The following RAPH1 variants were observed in gnomAD, a reference collection of about 807,000 sequenced individuals.
RAPH1 encodes ras-associated and pleckstrin homology domains-containing protein 1.
In RAPH1, 18 loss-of-function variants were observed where a neutral mutation model predicts 88.1. The observed-to-expected ratio is 0.20, with a 90% confidence interval of 0.14 to 0.30. RAPH1 has a LOEUF of 0.30. Among genes scored for constraint, RAPH1 ranks in the 10% least tolerant of loss-of-function variants. The probability of loss-of-function intolerance (pLI) is 1.00; values close to 1 mark genes in which losing one functional copy is unlikely to be tolerated. For missense variants in RAPH1, 1,448 were observed against 1,543.2 expected (o/e 0.94, Z 1.03); for synonymous variants, 587 against 559.0 (o/e 1.05, Z -0.71).
In RAPH1 at chr2:203,441,075, G is replaced by C; in HGVS notation, c.2115C>G (p.Pro705=). The C allele has an allele frequency of 6.3e-7, 1 of 1,578,730 alleles. No individual in the cohort carries two copies. Among genetic ancestry groups the C allele is most frequent in the Non-Finnish European group, 8.7e-7 (1 of 1,154,214 alleles). Residue 705 remains proline (P), a synonymous_variant, in exon 14 of 14, where the codon CCC becomes CCG. Coordinates refer to ENST00000319170, the MANE Select transcript of RAPH1 (RefSeq NM_213589.3). ...GAGGGGGTGGTGGAACAACTCCATT[G>C]GGGGGTACCAGGATCTGAGGCTTCA... ...QSVKPQILVP[P]NGVVPPPPPP...
intron 4 of RAPH1, among the ~76,000 whole-genome samples, chr2:203,481,208 T>C (rs1350296483): frequency 6.6e-6 from 1 of 152,206 alleles, no homozygotes; most frequent in Non-Finnish European, 1.5e-5. Context: ...CTGGCCAGTC[T>C]ACTTGTCTTG....
intron 1 of RAPH1, among the ~76,000 whole-genome samples, chr2:203,499,101 G>C (rs544088376): frequency 6.6e-6 from 1 of 152,100 alleles, no homozygotes; most frequent in Non-Finnish European, 1.5e-5. Context: ...CATTTCTCAG[G>C]AAGTATCTTC....
In RAPH1 at chr2:203,439,075, T is replaced by A. The variant is rs1472064108; in HGVS notation, c.*362A>T. The A allele has an allele frequency of 5.1e-6, 1 of 197,344 alleles. No individual in the cohort carries two copies. The highest frequency in any genetic ancestry group is 1.1e-5 in the Non-Finnish European group (1 of 94,440). 12.2% of individuals were successfully genotyped at this position (197,344 alleles called of 1,614,324 possible). Reference sequence around the variant, plus strand: ...TTATAAATACCTTCTAAATAAGTGATTAGAAGTTTTTGGTCCAATCCACAT... The same window carrying A: ...TTATAAATACCTTCTAAATAAGTGAATAGAAGTTTTTGGTCCAATCCACAT... On this transcript the variant is annotated 3_prime_UTR_variant, in exon 14 of 14. Transcript: ENST00000319170.
Position 203,491,272 on chromosome 2 carries a change from A to G in RAPH1, c.168T>C (p.Leu56=), listed in dbSNP as rs773365965. The change falls in exon 3 of 14, where the codon CTT becomes CTC. Residue 56 remains leucine (L), a synonymous_variant. Transcript: ENST00000319170. ...AGTTGGCCATGTTTGTTTCCTGGCGAAGAGGAGATCTTTTTACTGGTTCCA... is the reference window on the plus strand; with the variant it reads ...AGTTGGCCATGTTTGTTTCCTGGCGGAGAGGAGATCTTTTTACTGGTTCCA... ...KPMEPVKRSP[L]RQETNMANFS... 6.2e-6 allele frequency: 10 copies of G among 1,613,572 alleles called. No individual in the cohort carries two copies. Among genetic ancestry groups the G allele is most frequent in the African/African-American group, 4.0e-5 (3 of 74,884 alleles).
chr2:203,441,934 T>G, intron 13 of RAPH1: 1 of 1,372,176 alleles, frequency 7.3e-7, no homozygotes, highest in East Asian at 2.9e-5. Context: ...CACAGGAGAG[T>G]ATGAGAATGT....
intron 4 of RAPH1, among the ~76,000 whole-genome samples, chr2:203,466,814 G>C (rs1299966288): frequency 6.6e-6 from 1 of 152,154 alleles, no homozygotes; most frequent in Non-Finnish European, 1.5e-5. Context: ...TTTACGTAAA[G>C]ACAAAAACTA....
At chr2:203,517,771 G>A (rs1689682597) in intron 1 of RAPH1, among the ~76,000 whole-genome samples, 1 of 151,708 alleles carries the variant, frequency 6.6e-6, no homozygotes, top group Non-Finnish European at 1.5e-5. Flanking sequence ...AATAACACCT[G>A]GGTCAAAGAA....
rs1156271253 is a variant in RAPH1, at chr2:203,461,844, T to C, written c.810+4A>G. 1 of 1,600,414 alleles carries C rather than the reference T, an allele frequency of 6.2e-7. No homozygotes were observed. Among genetic ancestry groups the C allele is most frequent in the Non-Finnish European group, 8.5e-7 (1 of 1,173,988 alleles). On this transcript the variant is annotated splice_donor_region_variant and intron_variant, in intron 5 of 13. Transcript: ENST00000319170. The stretch of plus-strand genomic sequence containing the variant: ...CCCAAACCAGGAAGAGGCCCACATA[T>C]CACCTTTTTCACTTGTGCCTCTTTA...
At chr2:203,531,875 A>C (rs1258611997) in intron 1 of RAPH1, among the ~76,000 whole-genome samples, 1 of 152,206 alleles carries the variant, frequency 6.6e-6, no homozygotes, top group Admixed American at 6.5e-5. Context: ...CAATCTAGCA[A>C]TCCCATTTCT....
At chr2:203,534,425 A>T (rs533063282) in intron 1 of RAPH1, among the ~76,000 whole-genome samples, 1 of 149,974 alleles carries the variant, frequency 6.7e-6, no homozygotes, top group South Asian at 2.1e-4. Context: ...ACCCTAAGTC[A>T]CTGCCTTAAG....
chr2:203,505,449 CG>C (rs879463339), intron 1 of RAPH1, among the ~76,000 whole-genome samples: 3 of 151,906 alleles, frequency 2.0e-5, no homozygotes, highest in Non-Finnish European at 4.4e-5. Flanking sequence ...TTACCCCCCC[CG>C]GGTCCCTCCC....
rs1261459806 is a variant in RAPH1, at chr2:203,436,095, G to A, written c.*3342C>T. 6.6e-6 allele frequency: 1 copy of A among 152,122 alleles called. No homozygotes were observed. Among genetic ancestry groups the A allele is most frequent in the Non-Finnish European group, 1.5e-5 (1 of 68,020 alleles). 9.4% of individuals were successfully genotyped at this position (152,122 alleles called of 1,614,324 possible). On this transcript the variant is annotated 3_prime_UTR_variant, in exon 14 of 14. Transcript: ENST00000319170. Reference sequence around the variant, plus strand: ...TTTAAATTTTCTTGATAAACTCAGCGTTGTTTGTTTTCAGTGACAAGAAAA... The same window carrying A: ...TTTAAATTTTCTTGATAAACTCAGCATTGTTTGTTTTCAGTGACAAGAAAA...
intron 1 of RAPH1, among the ~76,000 whole-genome samples, chr2:203,529,126 C>T (rs1446792659): frequency 6.7e-6 from 1 of 148,812 alleles, no homozygotes; most frequent in Non-Finnish European, 1.5e-5. Context: ...ACTACAGGCA[C>T]ACATCACCAT....
intron 7 of RAPH1, 49 bp from the exon 8 acceptor site, chr2:203,457,644 G>C (rs1208712387): frequency 7.4e-7 from 1 of 1,355,588 alleles, no homozygotes; most frequent in Admixed American, 1.7e-5. Flanking sequence ...AAAAAAAGAA[G>C]GTTAAAGCAT....
intron 1 of RAPH1, among the ~76,000 whole-genome samples, chr2:203,534,693 G>A (rs1283204254): frequency 1.3e-5 from 2 of 152,178 alleles, no homozygotes; most frequent in Non-Finnish European, 2.9e-5. Flanking sequence ...AAAGATGGGG[G>A]CATCGAAACC....
At chr2:203,486,870 G>T (rs1428158446) in intron 4 of RAPH1, among the ~76,000 whole-genome samples, 3 of 152,098 alleles carry the variant, frequency 2.0e-5, no homozygotes, top group African/African-American at 7.2e-5. Context: ...AAAAGAACAG[G>T]CTAGCTAGAT....
intron 2 of RAPH1, among the ~76,000 whole-genome samples, chr2:203,493,336 T>C (rs1688357533): frequency 6.6e-6 from 1 of 152,204 alleles, no homozygotes; most frequent in Non-Finnish European, 1.5e-5. Flanking sequence ...CCAGAGCAGC[T>C]GGACCAATAT....
At chr2:203,493,988 A>G (rs1581356511) in intron 2 of RAPH1, among the ~76,000 whole-genome samples, 2 of 150,392 alleles carry the variant, frequency 1.3e-5, no homozygotes, top group Admixed American at 6.7e-5. Flanking sequence ...AAAAAAAAAA[A>G]AAAAAAAAAA....
At chr2:203,464,659 G>A (rs1171107617) in intron 4 of RAPH1, among the ~76,000 whole-genome samples, 1 of 152,036 alleles carries the variant, frequency 6.6e-6, no homozygotes, top group East Asian at 1.9e-4. Flanking sequence ...TGCCCTCAAA[G>A]CTGAACATAT....
Sources: allele counts gnomAD v4.1 joint callset (sites outside exome capture counted in the v4.1 genomes callset), GRCh38; gene constraint gnomAD v4.1.1; transcripts MANE v1.5; gene names NCBI Gene and HGNC (gene_info 2026-07-23, HGNC 2026-07-21).